Variants in SNX30 observed in about 807,000 individuals in gnomAD.
SNX30 encodes the protein sorting nexin-30.
In SNX30, 24 loss-of-function variants were observed where a neutral mutation model predicts 46.4. That is an observed-to-expected ratio of 0.52 (90% confidence interval 0.37 to 0.73). SNX30 has a LOEUF of 0.73. SNX30 is among the 30% of genes least tolerant of loss of function. SNX30 has a pLI of 0.00. For missense variants in SNX30, 533 were observed against 555.7 expected (o/e 0.96, Z 0.41); for synonymous variants, 189 against 211.5 (o/e 0.89, Z 0.92).
At chr9:112,847,261 C>T (rs986910116) in intron 6 of SNX30, among the ~76,000 whole-genome samples, 3 of 151,074 alleles carry the variant, frequency 2.0e-5, no homozygotes, top group Non-Finnish European at 3.0e-5. Context: ...CCGTCCCGTG[C>T]GTATCCCAGC....
chr9:112,817,916 C>A, intron 3 of SNX30, 101 bp downstream of exon 3: 1 of 754,222 alleles, frequency 1.3e-6, no homozygotes, highest in South Asian at 1.5e-5. Context: ...CAGACTCACC[C>A]AGCAAACATA....
At chr9:112,794,298 G>A (rs1840073318) in intron 1 of SNX30, among the ~76,000 whole-genome samples, 2 of 152,010 alleles carry the variant, frequency 1.3e-5, no homozygotes, top group South Asian at 2.1e-4. Flanking sequence ...GATTACAGAC[G>A]TGTGCCAACA....
At chr9:112,768,274 A>G (rs919024286) in intron 1 of SNX30, among the ~76,000 whole-genome samples, 3 of 152,114 alleles carry the variant, frequency 2.0e-5, no homozygotes, top group African/African-American at 7.2e-5. Flanking sequence ...TGCTAAGCTC[A>G]TCCTCCTCTC....
chr9:112,798,149 CT>C (rs1228167020), intron 1 of SNX30, among the ~76,000 whole-genome samples: 3 of 82,206 alleles, frequency 3.6e-5, no homozygotes, highest in African/African-American at 5.2e-5. Flanking sequence ...TTATTATACT[CT>C]AAGTTTTAGG....
At chr9:112,851,014 C>A in intron 7 of SNX30, 69 bp downstream of exon 7, 1 of 1,242,656 alleles carries the variant, frequency 8.0e-7, no homozygotes, top group Admixed American at 1.8e-5. Context: ...AAATTCTCAT[C>A]TCTAGATCTG....
At position 112,814,440 on chromosome 9, in the gene SNX30, C is replaced by A. The variant is rs150854811; in HGVS notation, c.349-3265C>A. On this transcript the variant is annotated intron_variant, in intron 2 of 8. Transcript: ENST00000374232. Reference sequence around the variant, plus strand: ...ATTTTTTGTAGAGACAGGGTTTTGCCATGTTGCTCAGGCTGGTCTTGAACT... The same window carrying A: ...ATTTTTTGTAGAGACAGGGTTTTGCAATGTTGCTCAGGCTGGTCTTGAACT... 3.6e-3 allele frequency among the ~76,000 whole-genome samples: 542 copies of A among 152,186 alleles called. 3 individuals carry two copies. The highest frequency in any genetic ancestry group is 6.8e-3 in the Middle Eastern group (2 of 294).
chr9:112,841,486 C>T (rs927535823), intron 6 of SNX30, among the ~76,000 whole-genome samples: 4 of 152,166 alleles, frequency 2.6e-5, no homozygotes, highest in Non-Finnish European at 4.4e-5. Context: ...ATTGATTGTA[C>T]ACAGTCTTGT....
Position 112,816,806 on chromosome 9 carries a change from G to C in SNX30, c.349-899G>C, listed in dbSNP as rs150958445. On this transcript the variant is annotated intron_variant, in intron 2 of 8. Coordinates refer to ENST00000374232, the MANE Select transcript of SNX30 (RefSeq NM_001012994.2). ...TTGTACTTTAATTTCTGAGAACCAT[G>C]ACAGTCATATAGTGTGTATCCTCAT... 7.2e-4 allele frequency among the ~76,000 whole-genome samples: 110 copies of C among 152,276 alleles called. 1 individual carries two copies. Among genetic ancestry groups the C allele is most frequent in the African/African-American group, 2.6e-3 (108 of 41,554 alleles).
rs375717545 is a variant in SNX30 at position 112,848,276 on chromosome 9, G to C, written c.1015-2583G>C. 2.7e-3 allele frequency among the ~76,000 whole-genome samples: 417 copies of C among 152,032 alleles called. 3 individuals are homozygous for C. The highest frequency in any genetic ancestry group is 9.3e-3 in the African/African-American group (385 of 41,492). On this transcript the variant is annotated intron_variant, in intron 6 of 8. Coordinates refer to ENST00000374232, the MANE Select transcript of SNX30 (RefSeq NM_001012994.2). Reference sequence around the variant, plus strand: ...GGCCTCTTTACCCCACTGCCGGCTCGGGCCTCATCTGACAGCCATAGGCTG... The same window carrying C: ...GGCCTCTTTACCCCACTGCCGGCTCCGGCCTCATCTGACAGCCATAGGCTG...
intron 4 of SNX30, among the ~76,000 whole-genome samples, chr9:112,833,397 C>A (rs1226709462): frequency 1.3e-5 from 2 of 152,162 alleles, no homozygotes; most frequent in Non-Finnish European, 2.9e-5. Flanking sequence ...ATGGCTCATG[C>A]CTGTAACACC....
At chr9:112,775,079 C>T (rs1385659590) in intron 1 of SNX30, among the ~76,000 whole-genome samples, 1 of 151,078 alleles carries the variant, frequency 6.6e-6, no homozygotes, top group African/African-American at 2.4e-5. Flanking sequence ...CTCCTGACCT[C>T]AAATGATATG....
intron 5 of SNX30, among the ~76,000 whole-genome samples, chr9:112,837,955 A>T (rs1305924883): frequency 8.1e-6 from 1 of 123,902 alleles, no homozygotes; most frequent in African/African-American, 3.2e-5. Context: ...CAGTGGAGTG[A>T]TCTTGGCTCA....
chr9:112,881,609 G>A (rs1446301362), exon 6 of SNX30: 1 of 152,218 alleles, frequency 6.6e-6, no homozygotes, highest in African/African-American at 2.4e-5. Flanking sequence ...GTCAGCGTAA[G>A]TCAGCGCTGA....
rs926740663 is a variant in SNX30, at chr9:112,793,247, C to T, written c.157-11529C>T. On this transcript the variant is annotated intron_variant, in intron 1 of 8. Transcript: ENST00000374232. ...CTTTCTCTGTGTTTTAGCTGCTCCC[C>T]CCATCTCAGTAGAGCTCAGTCCCCC... Among the ~76,000 whole-genome samples the T allele has an allele frequency of 2.0e-5, 3 of 152,304 alleles. No individual in the cohort carries two copies. In the East Asian group the frequency reaches 5.8e-4, roughly 29 times the overall value.
intron 6 of SNX30, among the ~76,000 whole-genome samples, chr9:112,841,528 G>T (rs1418368926): frequency 3.3e-5 from 5 of 152,198 alleles, no homozygotes; most frequent in Non-Finnish European, 7.3e-5. Context: ...AGGAAGTGTG[G>T]ACTGGCAGTC....
intron 8 of SNX30, among the ~76,000 whole-genome samples, chr9:112,865,655 A>ATGTGTGTGTGTGTG (rs1841318734): frequency 2.2e-5 from 2 of 89,426 alleles, no homozygotes; most frequent in Admixed American, 1.0e-4. Context: ...ATATATATAT[A>ATGTGTGTGTGTGTG]TATATATGTA....
intron 1 of SNX30, among the ~76,000 whole-genome samples, chr9:112,756,396 A>G (rs1305597028): frequency 3.3e-5 from 5 of 149,524 alleles, no homozygotes; most frequent in Non-Finnish European, 7.4e-5. Flanking sequence ...CCAACTCTCC[A>G]AAATTACCAG....
intron 2 of SNX30, among the ~76,000 whole-genome samples, chr9:112,813,026 A>G (rs545780647): frequency 1.3e-5 from 2 of 152,264 alleles, no homozygotes; most frequent in South Asian, 2.1e-4. Flanking sequence ...GCACGCCTGT[A>G]GTCCCAGCTA....
At chr9:112,776,360 A>G (rs1398931660) in intron 1 of SNX30, among the ~76,000 whole-genome samples, 1 of 151,976 alleles carries the variant, frequency 6.6e-6, no homozygotes, top group Non-Finnish European at 1.5e-5. Flanking sequence ...TGGTGTTTCT[A>G]CTTTTCTGTT....
Sources: gnomAD v4.1 joint callset for allele counts (sites outside exome capture counted in the v4.1 genomes callset) on GRCh38, gnomAD v4.1.1 for gene constraint, MANE v1.5 for transcripts, NCBI Gene and HGNC (gene_info 2026-07-23, HGNC 2026-07-21) for gene names.